Variants in MAGI2 observed in about 807,000 individuals in gnomAD.
MAGI2 encodes membrane-associated guanylate kinase, WW and PDZ domain-containing protein 2.
Under a neutral mutation model 133.3 loss-of-function variants are expected in MAGI2, and 35 were observed. The ratio of observed to expected loss-of-function variants is 0.26; its 90% CI spans 0.20 to 0.35. The LOEUF (loss-of-function observed/expected upper bound fraction) is 0.35, where lower values mean the gene tolerates loss of function less well. Ranked by LOEUF, MAGI2 falls within the 10% of genes least tolerant of loss-of-function variation. The probability of loss-of-function intolerance (pLI) is 1.00; values close to 1 mark genes in which losing one functional copy is unlikely to be tolerated. For synonymous variants in MAGI2, 729 were observed against 710.6 expected, an observed-to-expected ratio of 1.03 and a Z score of -0.41; for missense variants, 1,636 against 1,863.4, an observed-to-expected ratio of 0.88 and a Z score of 2.25.
chr7:78,183,420 C>T (rs889639112), intron 13 of MAGI2, among the ~76,000 whole-genome samples: 3 of 151,528 alleles, frequency 2.0e-5, no homozygotes, highest in African/African-American at 7.3e-5. Context: ...CAAGCACCAC[C>T]ACGCCCAGCT....
chr7:78,419,597 G>A (rs1798613265), intron 6 of MAGI2, among the ~76,000 whole-genome samples: 1 of 48,190 alleles, frequency 2.1e-5, no homozygotes, highest in South Asian at 9.0e-4. Context: ...GGATTGAGCA[G>A]TGATTTTTTT....
chr7:79,159,128 A>G (rs1418282099), intron 1 of MAGI2, among the ~76,000 whole-genome samples: 2 of 152,242 alleles, frequency 1.3e-5, no homozygotes, highest in African/African-American at 4.8e-5. Flanking sequence ...ATAAGAAAGG[A>G]TCTCATGCGG....
intron 1 of MAGI2, among the ~76,000 whole-genome samples, chr7:79,154,320 A>G (rs1023544505): frequency 3.3e-5 from 5 of 152,180 alleles, no homozygotes; most frequent in Admixed American, 6.6e-5. Context: ...TAAAATACCA[A>G]CTTTGCTGGA....
chr7:79,281,169 G>A (rs1835613346), intron 1 of MAGI2, among the ~76,000 whole-genome samples: 1 of 152,008 alleles, frequency 6.6e-6, no homozygotes, highest in Admixed American at 6.6e-5. Flanking sequence ...CATAGATAAT[G>A]TTCAAGAAGT....
intron 10 of MAGI2, among the ~76,000 whole-genome samples, chr7:78,243,284 CTCTT>C (rs1791389184): frequency 7.2e-6 from 1 of 139,704 alleles, no homozygotes; most frequent in African/African-American, 2.6e-5. Flanking sequence ...CTCTCTCTCT[CTCTT>C]ATAAAACAAA....
intron 6 of MAGI2, among the ~76,000 whole-genome samples, chr7:78,487,996 G>A (rs1215422282): frequency 6.6e-6 from 1 of 151,932 alleles, no homozygotes; most frequent in African/African-American, 2.4e-5. Flanking sequence ...ACTTTTCTTG[G>A]CAAGAAAACT....
At chr7:79,061,424 C>G (rs1392650311) in intron 1 of MAGI2, among the ~76,000 whole-genome samples, 2 of 151,498 alleles carry the variant, frequency 1.3e-5, no homozygotes, top group Non-Finnish European at 2.9e-5. Flanking sequence ...GAAGTGCTGT[C>G]GGAGATATTT....
At chr7:78,335,735 G>T (rs761823453) in intron 9 of MAGI2, among the ~76,000 whole-genome samples, 3 of 152,022 alleles carry the variant, frequency 2.0e-5, no homozygotes, top group Admixed American at 6.6e-5. Context: ...GACACTTTTG[G>T]GGGAAAATAT....
chr7:78,413,231 A>G (rs1798014520), intron 6 of MAGI2, among the ~76,000 whole-genome samples: 2 of 152,108 alleles, frequency 1.3e-5, no homozygotes. Context: ...TGATCTGTGT[A>G]AAGACCAATT....
intron 1 of MAGI2, among the ~76,000 whole-genome samples, chr7:79,381,351 C>T (rs1585776383): frequency 6.6e-6 from 1 of 151,574 alleles, no homozygotes; most frequent in Non-Finnish European, 1.5e-5. Flanking sequence ...TCCTACCTAC[C>T]ATTTTCTGGA....
intron 2 of MAGI2, among the ~76,000 whole-genome samples, chr7:78,956,423 C>T (rs929123936): frequency 3.3e-5 from 5 of 152,088 alleles, no homozygotes; most frequent in African/African-American, 1.2e-4. Flanking sequence ...AAAAGGTCCA[C>T]CTTTTATGGA....
intron 1 of MAGI2, among the ~76,000 whole-genome samples, chr7:79,326,222 T>G (rs1839684374): frequency 6.6e-6 from 1 of 152,150 alleles, no homozygotes; most frequent in Non-Finnish European, 1.5e-5. Flanking sequence ...ACTATGGATC[T>G]TAATTATTAA....
At chr7:78,497,469 C>T (rs1205350233) in intron 5 of MAGI2, among the ~76,000 whole-genome samples, 1 of 152,062 alleles carries the variant, frequency 6.6e-6, no homozygotes, top group Non-Finnish European at 1.5e-5. Context: ...CAGAAAAAAC[C>T]TTTCCCTCTT....
At chr7:78,580,418 G>A (rs1448839480) in intron 3 of MAGI2, among the ~76,000 whole-genome samples, 2 of 152,146 alleles carry the variant, frequency 1.3e-5, no homozygotes, top group Non-Finnish European at 2.9e-5. Context: ...AATCCATGTA[G>A]AACAACTCAC....
chr7:78,231,020 G>C (rs1789912567), intron 10 of MAGI2, among the ~76,000 whole-genome samples: 1 of 152,164 alleles, frequency 6.6e-6, no homozygotes. Context: ...CACTGGACCA[G>C]GATCAATCAT....
rs187924458 is a variant in MAGI2 at position 78,951,250 on chromosome 7, G to T, written c.418+55840C>A. Among the ~76,000 whole-genome samples, 237 of 152,238 alleles carry T rather than the reference G, an allele frequency of 1.6e-3. 2 individuals carry two copies. Among genetic ancestry groups the T allele is most frequent in the African/African-American group, 5.5e-3 (230 of 41,530 alleles). Reference sequence around the variant, plus strand: ...GCCTTCCAAAGTGCTGGGATTACAGGCATGAGCTGCCACACCCGGCTGATG... The same window carrying T: ...GCCTTCCAAAGTGCTGGGATTACAGTCATGAGCTGCCACACCCGGCTGATG... On this transcript the variant is annotated intron_variant, in intron 2 of 21. Transcript: ENST00000354212.
At chr7:78,939,481 C>T (rs188649332) in intron 2 of MAGI2, among the ~76,000 whole-genome samples, 1 of 152,216 alleles carries the variant, frequency 6.6e-6, no homozygotes, top group African/African-American at 2.4e-5. Context: ...GTAGAAAAGG[C>T]TACATAGAAG....
At chr7:79,171,425 A>G (rs1453476852) in intron 1 of MAGI2, among the ~76,000 whole-genome samples, 1 of 151,932 alleles carries the variant, frequency 6.6e-6, no homozygotes, top group Non-Finnish European at 1.5e-5. Context: ...CCAATTTCCA[A>G]TAAGCTCATA....
chr7:78,322,043 A>T (rs927301691), intron 9 of MAGI2, among the ~76,000 whole-genome samples: 1 of 152,234 alleles, frequency 6.6e-6, no homozygotes, highest in African/African-American at 2.4e-5. Context: ...GAGAAATGCA[A>T]ATCAAAACCA....
Sources: allele counts gnomAD v4.1 joint callset (sites outside exome capture counted in the v4.1 genomes callset), GRCh38; gene constraint gnomAD v4.1.1; transcripts MANE v1.5; gene names NCBI Gene and HGNC (gene_info 2026-07-23, HGNC 2026-07-21).